Variants in TMEM132D observed in about 807,000 individuals in gnomAD.
TMEM132D encodes mature OL transmembrane protein.
In TMEM132D, 21 loss-of-function variants were observed where a neutral mutation model predicts 62.3. That is an observed-to-expected ratio of 0.34 (90% CI 0.24 to 0.49). The LOEUF (loss-of-function observed/expected upper bound fraction) is 0.49, where lower values mean the gene tolerates loss of function less well. Among genes scored for constraint, TMEM132D ranks in the 20% least tolerant of loss-of-function variants. The pLI, the probability that TMEM132D is intolerant of heterozygous loss-of-function variation, is 0.99. For synonymous variants in TMEM132D, 621 were observed against 575.6 expected (o/e 1.08, Z -1.13); for missense variants, 1,346 against 1,402.8 (o/e 0.96, Z 0.65).
intron 2 of TMEM132D, among the ~76,000 whole-genome samples, chr12:129,556,856 G>T (rs1172937204): frequency 6.6e-6 from 1 of 152,180 alleles, no homozygotes; most frequent in Admixed American, 6.5e-5. Context: ...CATCACCACA[G>T]AAAATTCTAT....
At chr12:129,633,159 A>G (rs191856392) in intron 2 of TMEM132D, among the ~76,000 whole-genome samples, 16 of 152,342 alleles carry the variant, frequency 1.1e-4, no homozygotes, top group African/African-American at 3.8e-4. Context: ...ATTCATGTAC[A>G]AAGAGACAAA....
chr12:129,332,379 TA>T (rs1183801464), intron 4 of TMEM132D, among the ~76,000 whole-genome samples: 12 of 151,428 alleles, frequency 7.9e-5, no homozygotes, highest in Non-Finnish European at 1.5e-4. Flanking sequence ...TACAAAATAT[TA>T]AAAAAAAATT....
chr12:129,878,137 A>T (rs1490757361), intron 1 of TMEM132D, among the ~76,000 whole-genome samples: 3 of 152,194 alleles, frequency 2.0e-5, no homozygotes, highest in African/African-American at 7.2e-5. Context: ...CTAAAAGCTC[A>T]CTTATGAAAA....
intron 3 of TMEM132D, among the ~76,000 whole-genome samples, chr12:129,409,080 C>G (rs7304030): frequency 0.18 from 27,040 of 151,942 alleles, 2,534 homozygotes; most frequent in Non-Finnish European, 0.21. Flanking sequence ...TTACACGCAC[C>G]CACCACCATG....
chr12:129,353,827 C>T (rs1479060239), intron 3 of TMEM132D, among the ~76,000 whole-genome samples: 5 of 151,888 alleles, frequency 3.3e-5, no homozygotes, highest in Non-Finnish European at 7.4e-5. Context: ...GTGAGCCCAG[C>T]CTCTACATAC....
intron 5 of TMEM132D, among the ~76,000 whole-genome samples, chr12:129,172,071 C>G (rs1877751558): frequency 6.6e-6 from 1 of 152,226 alleles, no homozygotes; most frequent in Admixed American, 6.5e-5. Context: ...TAGCCTCCTT[C>G]CCCAATGATA....
intron 4 of TMEM132D, among the ~76,000 whole-genome samples, chr12:129,264,117 G>A (rs1003113283): frequency 4.6e-5 from 7 of 152,212 alleles, no homozygotes; most frequent in African/African-American, 1.7e-4. Flanking sequence ...GGTAGGGCAA[G>A]ATGGCTCATG....
At chr12:129,238,385 C>A (rs1879842474) in intron 4 of TMEM132D, among the ~76,000 whole-genome samples, 1 of 152,156 alleles carries the variant, frequency 6.6e-6, no homozygotes, top group South Asian at 2.1e-4. Flanking sequence ...GTGTATAGTT[C>A]AATAATGATA....
intron 3 of TMEM132D, among the ~76,000 whole-genome samples, chr12:129,356,943 AGG>A (rs1870080739): frequency 9.9e-5 from 1 of 10,074 alleles, no homozygotes; most frequent in African/African-American, 3.7e-4. Flanking sequence ...AGGGGAGGGG[AGG>A]GGAGGGGAGG....
chr12:129,489,000 A>T (rs1874678600), intron 3 of TMEM132D, among the ~76,000 whole-genome samples: 1 of 152,240 alleles, frequency 6.6e-6, no homozygotes, highest in East Asian at 1.9e-4. Context: ...CCCTCTTGGG[A>T]GTTGTCAGAG....
chr12:129,151,687 C>T (rs747114585), intron 5 of TMEM132D, among the ~76,000 whole-genome samples: 27 of 152,154 alleles, frequency 1.8e-4, no homozygotes, highest in African/African-American at 3.1e-4. Flanking sequence ...TCTTGGGATT[C>T]GCTAGACCTT....
At chr12:129,674,994 T>C (rs1467367179) in intron 2 of TMEM132D, among the ~76,000 whole-genome samples, 1 of 152,184 alleles carries the variant, frequency 6.6e-6, no homozygotes, top group Non-Finnish European at 1.5e-5. Context: ...TTACTCTATT[T>C]TTGTTTCCTC....
chr12:129,295,796 A>G (rs1227869242), intron 4 of TMEM132D, among the ~76,000 whole-genome samples: 1 of 152,178 alleles, frequency 6.6e-6, no homozygotes, highest in Non-Finnish European at 1.5e-5. Context: ...ACTTTAAATC[A>G]TCTCTAGATT....
At chr12:129,616,581 A>G (rs558491638) in intron 2 of TMEM132D, among the ~76,000 whole-genome samples, 67 of 152,304 alleles carry the variant, frequency 4.4e-4, no homozygotes, top group African/African-American at 1.5e-3. Context: ...CCATGCTGCT[A>G]TTCTTGTGAT....
intron 4 of TMEM132D, among the ~76,000 whole-genome samples, chr12:129,221,244 G>C (rs978574249): frequency 1.3e-5 from 2 of 152,224 alleles, no homozygotes; most frequent in Middle Eastern, 3.2e-3. Flanking sequence ...GCAGTGAGGA[G>C]ATGCTGGAGC....
chr12:129,669,179 A>T (rs1243687334), intron 2 of TMEM132D, among the ~76,000 whole-genome samples: 2 of 152,244 alleles, frequency 1.3e-5, no homozygotes, highest in Non-Finnish European at 2.9e-5. Flanking sequence ...GTAAATAATC[A>T]GGCCAAGTAC....
At chr12:129,515,300 G>T (rs1875639425) in intron 3 of TMEM132D, among the ~76,000 whole-genome samples, 1 of 152,150 alleles carries the variant, frequency 6.6e-6, no homozygotes. Flanking sequence ...TTTCAGAAAA[G>T]ACGTTTTGTA....
chr12:129,264,138 C>T lies in TMEM132D; in HGVS notation c.1300-54475G>A, dbSNP rs565968552. Among the ~76,000 whole-genome samples, 5 of 152,296 alleles carry T rather than the reference C, an allele frequency of 3.3e-5. No individual in the cohort carries two copies. In the South Asian group the frequency reaches 1.0e-3, roughly 32 times the overall value. ...GCAAGATGGCTCATGCCTCTAATCC[C>T]AGCACTTTGGAAGGCCAAGGCAGGT... On this transcript the variant is annotated intron_variant, in intron 4 of 8. Coordinates refer to ENST00000422113, the MANE Select transcript of TMEM132D (RefSeq NM_133448.3).
rs774735704 is a variant in TMEM132D at position 129,795,549 on chromosome 12, G to A, written c.80-94851C>T. Among the ~76,000 whole-genome samples the A allele has an allele frequency of 5.3e-5, 8 of 152,332 alleles. No homozygotes were observed. The East Asian group carries it at 9.6e-4, about 18-fold the overall frequency. On this transcript the variant is annotated intron_variant, in intron 1 of 8. Coordinates refer to ENST00000422113, the MANE Select transcript of TMEM132D (RefSeq NM_133448.3). The stretch of plus-strand genomic sequence containing the variant: ...CATCCTGCTAAATCCTGGGGCCAAC[G>A]ATAGGCCTCATGCATTCTGTTGTCA...
Sources: gnomAD v4.1 joint callset for allele counts (sites outside exome capture counted in the v4.1 genomes callset) on GRCh38, gnomAD v4.1.1 for gene constraint, MANE v1.5 for transcripts, NCBI Gene and HGNC (gene_info 2026-07-23, HGNC 2026-07-21) for gene names.